FOXP2: variants seen among roughly 807,000 people sequenced by gnomAD.
FOXP2 encodes the protein forkhead box P2.
Under a neutral mutation model 115.8 loss-of-function variants are expected in FOXP2, and 12 were observed. The observed-to-expected ratio is 0.10, with a 90% CI of 0.07 to 0.17. The LOEUF (loss-of-function observed/expected upper bound fraction) is 0.17, where lower values mean the gene tolerates loss of function less well. FOXP2 is among the 10% of genes least tolerant of loss of function. The pLI, the probability that FOXP2 is intolerant of heterozygous loss-of-function variation, is 1.00. For missense variants in FOXP2, 629 were observed against 843.5 expected (o/e 0.75, Z 3.15); for synonymous variants, 328 against 297.7 (o/e 1.10, Z -1.05).
At chr7:114,516,915 C>G (rs767785517) in intron 2 of FOXP2, among the ~76,000 whole-genome samples, 1 of 151,982 alleles carries the variant, frequency 6.6e-6, no homozygotes, top group Non-Finnish European at 1.5e-5. Flanking sequence ...AGAATGGTCT[C>G]GATCTCCTGA....
At chr7:114,375,921 G>A (rs935113491) in intron 2 of FOXP2, among the ~76,000 whole-genome samples, 31 of 51,012 alleles carry the variant, frequency 6.1e-4, no homozygotes, top group African/African-American at 1.3e-3. Context: ...TTGATGATAG[G>A]AATAACAAAG....
intron 2 of FOXP2, among the ~76,000 whole-genome samples, chr7:114,351,072 A>G (rs1791476921): frequency 6.6e-6 from 1 of 152,170 alleles, no homozygotes; most frequent in African/African-American, 2.4e-5. Context: ...CACAGACACA[A>G]CCATCTATTT....
At chr7:114,210,632 C>T (rs534389898) in intron 1 of FOXP2, among the ~76,000 whole-genome samples, 2 of 152,264 alleles carry the variant, frequency 1.3e-5, no homozygotes, top group South Asian at 4.1e-4. Flanking sequence ...GGAATGGGAT[C>T]AGGGACCTGT....
At chr7:114,595,855 G>A (rs1019205000) in intron 3 of FOXP2, among the ~76,000 whole-genome samples, 7 of 151,988 alleles carry the variant, frequency 4.6e-5, no homozygotes, top group Non-Finnish European at 1.0e-4. Context: ...TCAGTCGGGG[G>A]AAATGTCCCC....
chr7:114,134,402 A>G (rs1051509617), intron 1 of FOXP2, among the ~76,000 whole-genome samples: 5 of 152,220 alleles, frequency 3.3e-5, no homozygotes, highest in African/African-American at 7.2e-5. Context: ...ATGGCTTTCA[A>G]TGAATCTTCA....
chr7:114,599,979 G>C (rs936853288), intron 3 of FOXP2, among the ~76,000 whole-genome samples: 1 of 151,984 alleles, frequency 6.6e-6, no homozygotes, highest in African/African-American at 2.4e-5. Context: ...CTGGCATCTT[G>C]CACTGGTATG....
Position 114,692,163 on chromosome 7 carries a change from T to G in FOXP2, c.*2237T>G, listed in dbSNP as rs1396401520. The stretch of plus-strand genomic sequence containing the variant: ...GATTATCTGAAAGGAAAAATGGGTC[T>G]TTCAGGTGCATGTTCAAAAGGCTTT... On this transcript the variant is annotated 3_prime_UTR_variant, in exon 17 of 17. Transcript: ENST00000350908. 1.3e-5 allele frequency: 6 copies of G among 453,788 alleles called. No homozygotes were observed. The highest frequency in any genetic ancestry group is 1.2e-4 in the African/African-American group (6 of 49,960). 28.1% of individuals were successfully genotyped at this position (453,788 alleles called of 1,614,324 possible). A position where few individuals can be genotyped will look rare whatever the true frequency, so the allele number is the denominator to read the frequency against.
At chr7:114,247,936 C>T (rs1795331791) in intron 1 of FOXP2, among the ~76,000 whole-genome samples, 1 of 152,022 alleles carries the variant, frequency 6.6e-6, no homozygotes, top group African/African-American at 2.4e-5. Context: ...CACACAGGCA[C>T]AGATACACAC....
chr7:114,312,066 A>G (rs1797159729), intron 2 of FOXP2, among the ~76,000 whole-genome samples: 1 of 152,064 alleles, frequency 6.6e-6, no homozygotes, highest in Non-Finnish European at 1.5e-5. Flanking sequence ...TATTATTTGC[A>G]TTTACTCTCT....
chr7:114,189,050 C>A (rs982753488), intron 1 of FOXP2, among the ~76,000 whole-genome samples: 2 of 152,062 alleles, frequency 1.3e-5, no homozygotes, highest in Non-Finnish European at 2.9e-5. Context: ...CATTATATGA[C>A]AAGGGGAACC....
intron 1 of FOXP2, among the ~76,000 whole-genome samples, chr7:114,271,285 T>C (rs939100852): frequency 1.3e-5 from 2 of 151,024 alleles, no homozygotes; most frequent in Non-Finnish European, 3.0e-5. Flanking sequence ...TTATTTGTCT[T>C]ACCATGTTTG....
intron 2 of FOXP2, among the ~76,000 whole-genome samples, chr7:114,379,540 C>G (rs1427576379): frequency 1.3e-5 from 2 of 152,036 alleles, no homozygotes; most frequent in Non-Finnish European, 2.9e-5. Context: ...GGGAGGGGTG[C>G]CTTCGACATC....
intron 3 of FOXP2, among the ~76,000 whole-genome samples, chr7:114,581,147 CCGTT>C (rs1169403039): frequency 1.4e-5 from 2 of 142,336 alleles, no homozygotes; most frequent in African/African-American, 2.6e-5. Flanking sequence ...CTATCTTCTT[CCGTT>C]TATTTATTTA....
intron 2 of FOXP2, among the ~76,000 whole-genome samples, chr7:114,453,942 C>G (rs1795176282): frequency 6.6e-6 from 1 of 152,186 alleles, no homozygotes; most frequent in South Asian, 2.1e-4. Context: ...CATTACCATT[C>G]AGGACATAGG....
chr7:114,661,969 C>A (rs1806888677), intron 13 of FOXP2, 96 bp from the exon 14 acceptor site: 3 of 1,462,260 alleles, frequency 2.1e-6, no homozygotes, highest in Non-Finnish European at 2.8e-6. Context: ...TAAGATTTTT[C>A]ACTCTGATTA....
At chr7:114,395,594 T>C (rs1056197009) in intron 2 of FOXP2, among the ~76,000 whole-genome samples, 1 of 152,138 alleles carries the variant, frequency 6.6e-6, no homozygotes, top group African/African-American at 2.4e-5. Context: ...CAGAATACTT[T>C]TATATACATT....
chr7:114,135,347 T>C (rs1792011214), intron 1 of FOXP2, among the ~76,000 whole-genome samples: 1 of 152,146 alleles, frequency 6.6e-6, no homozygotes, highest in Non-Finnish European at 1.5e-5. Flanking sequence ...AAATTTATTT[T>C]TTTAAAAAGG....
At chr7:114,315,353 A>G (rs187922985) in intron 2 of FOXP2, among the ~76,000 whole-genome samples, 2 of 152,320 alleles carry the variant, frequency 1.3e-5, no homozygotes, top group East Asian at 3.9e-4. Flanking sequence ...GCCAAAGCCC[A>G]TACAGGTAGT....
At chr7:114,615,813 G>T (rs1374573724) in intron 3 of FOXP2, among the ~76,000 whole-genome samples, 1 of 152,110 alleles carries the variant, frequency 6.6e-6, no homozygotes, top group Non-Finnish European at 1.5e-5. Context: ...CCAAGTTCGG[G>T]AACTTTGTGT....
Sources: gnomAD v4.1 joint callset for allele counts (sites outside exome capture counted in the v4.1 genomes callset) on GRCh38, gnomAD v4.1.1 for gene constraint, MANE v1.5 for transcripts, NCBI Gene and HGNC (gene_info 2026-07-23, HGNC 2026-07-21) for gene names.